The following SYN1 variants were observed in gnomAD, a reference collection of about 807,000 sequenced individuals.
SYN1 encodes the protein synapsin-1.
Under a neutral mutation model 44.6 loss-of-function variants are expected in SYN1, and 8 were observed. The observed-to-expected ratio is 0.18, with a 90% CI of 0.11 to 0.32. The LOEUF (loss-of-function observed/expected upper bound fraction) is 0.32, where lower values mean the gene tolerates loss of function less well. Ranked by LOEUF, SYN1 falls within the 10% of genes least tolerant of loss-of-function variation. The pLI, the probability that SYN1 is intolerant of heterozygous loss-of-function variation, is 1.00. For missense variants in SYN1, 451 were observed against 639.4 expected (o/e 0.71, Z 3.18); for synonymous variants, 275 against 280.1 (o/e 0.98, Z 0.18).
chrX:47,580,169 AG>A (rs1279024044), intron 5 of SYN1, among the ~76,000 whole-genome samples: 1 of 106,835 alleles, frequency 9.4e-6, no homozygotes, highest in Non-Finnish European at 1.9e-5. Context: ...GTCTGTAAAA[AG>A]ACTTTAGAAC....
At chrX:47,582,925 C>T (rs1284355771) in intron 5 of SYN1, among the ~76,000 whole-genome samples, 11 of 87,945 alleles carry the variant, frequency 1.3e-4, no homozygotes, top group Non-Finnish European at 2.5e-4. Context: ...TCCCCCAACC[C>T]CTTCAACCTC....
intron 5 of SYN1, among the ~76,000 whole-genome samples, chrX:47,580,578 C>T (rs1393432437): frequency 1.9e-5 from 2 of 107,170 alleles, no homozygotes; most frequent in African/African-American, 6.8e-5. Context: ...TTGCAGTGAG[C>T]CAAGATCTTG....
At chrX:47,585,679 G>A (rs2057821969) in intron 5 of SYN1, 3 of 1,208,895 alleles carry the variant, frequency 2.5e-6, no homozygotes, top group Non-Finnish European at 3.4e-6. Context: ...TGAGTGCCTG[G>A]ACCCTGACCT....
At chrX:47,579,849 G>GCCCCCCCCC (rs140381513) in intron 5 of SYN1, among the ~76,000 whole-genome samples, 130 of 83,094 alleles carry the variant, frequency 1.6e-3, no homozygotes, top group Admixed American at 2.1e-3. Flanking sequence ...TGTTTTTGTC[G>GCCCCCCCCC]CCCCCCCACC....
At chrX:47,578,293 C>T (rs370479874) in intron 5 of SYN1, among the ~76,000 whole-genome samples, 5 of 110,928 alleles carry the variant, frequency 4.5e-5, no homozygotes, top group African/African-American at 1.3e-4. Flanking sequence ...ACTCCACAGG[C>T]ACACTCCACA....
At chrX:47,573,023 G>A (rs1182933051) in intron 12 of SYN1, 24 bp from the exon 13 acceptor site, 2 of 1,207,823 alleles carry the variant, frequency 1.7e-6, no homozygotes, top group South Asian at 1.8e-5. Flanking sequence ...AGGTGGAGGC[G>A]TGGGAGGAAG....
At chrX:47,612,789 A>C (rs1253834772) in intron 1 of SYN1, among the ~76,000 whole-genome samples, 4 of 112,032 alleles carry the variant, frequency 3.6e-5, no homozygotes, top group African/African-American at 1.3e-4. Flanking sequence ...GATCCAGACA[A>C]AGAGGTCTGG....
chrX:47,585,938 C>T, intron 5 of SYN1: 1 of 1,098,896 alleles, frequency 9.1e-7, no homozygotes, highest in Non-Finnish European at 1.2e-6. Flanking sequence ...TTCTGTAATC[C>T]CACTCCCCGT....
chrX:47,603,249 T>C (rs1397700419), intron 5 of SYN1, among the ~76,000 whole-genome samples: 1 of 111,292 alleles, frequency 9.0e-6, no homozygotes, highest in African/African-American at 3.3e-5. Flanking sequence ...CAGGTTGGGA[T>C]GCGGTGGTGC....
At position 47,575,192 on chromosome X, in the gene SYN1, A is replaced by G; in HGVS notation, c.1241T>C (p.Met414Thr). The G allele has an allele frequency of 8.3e-7, 1 of 1,200,622 alleles. No homozygotes were observed. Among genetic ancestry groups the G allele is most frequent in the Non-Finnish European group, 1.1e-6 (1 of 889,809 alleles). Residue 414 changes from methionine (M) to threonine (T), a missense_variant, in exon 10 of 13, where the codon ATG becomes ACG. Around this residue, in one of 3 missense-constraint regions of SYN1, gnomAD observed 315 missense variants for 451.4 expected, o/e 0.70. Transcript: ENST00000295987. ...TCGCTGCCGGGGCAGGGCCTGAGCC[A>G]TCTTGTTGACCACGAGCTCTACGAT... ...QLIVELVVNK[M>T]AQALPRQRQR...
chrX:47,587,680 C>T (rs746357697), intron 5 of SYN1, among the ~76,000 whole-genome samples: 1 of 110,991 alleles, frequency 9.0e-6, no homozygotes, highest in African/African-American at 3.3e-5. Flanking sequence ...TATGAATCAT[C>T]CTTTCTCTAG....
At chrX:47,573,903 G>T in intron 12 of SYN1, 99 bp downstream of exon 12, 9 of 811,458 alleles carry the variant, frequency 1.1e-5, no homozygotes, top group Non-Finnish European at 1.3e-5. Context: ...CCCTGCATAG[G>T]ACCTGGGTCT....
At chrX:47,597,554 G>A (rs6520281) in intron 5 of SYN1, among the ~76,000 whole-genome samples, 50,233 of 107,539 alleles carry the variant, frequency 0.47, 8,684 homozygotes, top group African/African-American at 0.49. Flanking sequence ...TGAAGCATAT[G>A]AACACCCACA....
chrX:47,600,110 C>G (rs1418007107), intron 5 of SYN1, among the ~76,000 whole-genome samples: 2 of 111,318 alleles, frequency 1.8e-5, no homozygotes, highest in African/African-American at 6.5e-5. Context: ...GAATTGGAGA[C>G]AGAAATAGAC....
chrX:47,594,235 CAAA>C, intron 5 of SYN1, among the ~76,000 whole-genome samples: 1 of 82,672 alleles, frequency 1.2e-5, no homozygotes. Context: ...GACTCTATCT[CAAA>C]AAAAAAAAAA....
At position 47,619,750 on chromosome X, in the gene SYN1, G is replaced by T. The variant is rs2057942482; in HGVS notation, c.-22C>A. The T allele has an allele frequency of 8.6e-7, 1 of 1,157,971 alleles. No individual in the cohort carries two copies. Among genetic ancestry groups the T allele is most frequent in the East Asian group, 3.3e-5 (1 of 30,507 alleles). ...TCATGGCTGCGACTTGGGGCAGGGGGTCCTAGGGGTGGTCTGGCCAGGAGC... is the reference window on the plus strand; with the variant it reads ...TCATGGCTGCGACTTGGGGCAGGGGTTCCTAGGGGTGGTCTGGCCAGGAGC... On this transcript the variant is annotated 5_prime_UTR_variant, in exon 1 of 13. Coordinates refer to ENST00000295987, the MANE Select transcript of SYN1 (RefSeq NM_006950.3).
chrX:47,582,633 G>T, intron 5 of SYN1: 1 of 340,761 alleles, frequency 2.9e-6, no homozygotes, highest in Non-Finnish European at 5.9e-6. Context: ...AGGGTCGGAG[G>T]CTGGAACTGC....
At chrX:47,586,273 C>T in intron 5 of SYN1, 1 of 754,531 alleles carries the variant, frequency 1.3e-6, no homozygotes, top group Non-Finnish European at 1.6e-6. Context: ...CACAGGCGAC[C>T]TGCCTGACTG....
At chrX:47,583,009 A>T (rs1371253849) in intron 5 of SYN1, among the ~76,000 whole-genome samples, 2 of 81,890 alleles carry the variant, frequency 2.4e-5, no homozygotes, top group Non-Finnish European at 4.5e-5. Flanking sequence ...CCAGCCTCTT[A>T]TATCTCTTAA....
Sources: gnomAD v4.1 joint callset for allele counts (sites outside exome capture counted in the v4.1 genomes callset) on GRCh38, gnomAD v4.1.1 for gene constraint, gnomAD v4.1.1 regional missense constraint, MANE v1.5 for transcripts, NCBI Gene and HGNC (gene_info 2026-07-23, HGNC 2026-07-21) for gene names.